Variants in KIAA1217 observed in about 807,000 individuals in gnomAD.
KIAA1217 encodes KIAA1217, also known as sickle tail protein homolog.
A neutral mutation model predicts 163.9 loss-of-function variants in KIAA1217; 88 were observed. That is an observed-to-expected ratio of 0.54 (90% CI 0.45 to 0.64). The LOEUF (loss-of-function observed/expected upper bound fraction) is 0.64, where lower values mean the gene tolerates loss of function less well. KIAA1217 is among the 30% of genes least tolerant of loss of function. The pLI is 0.00. For synonymous variants in KIAA1217, 903 were observed against 923.1 expected (o/e 0.98, Z 0.39); for missense variants, 2,372 against 2,475.0 (o/e 0.96, Z 0.88).
chr10:24,298,229 G>T (rs138904317), intron 2 of KIAA1217, among the ~76,000 whole-genome samples: 32 of 152,116 alleles, frequency 2.1e-4, no homozygotes, highest in African/African-American at 7.7e-4. Flanking sequence ...CTTAGAGGTA[G>T]CTCCTGATGT....
At chr10:23,819,851 C>A (rs1837537430) in intron 1 of KIAA1217, among the ~76,000 whole-genome samples, 2 of 152,160 alleles carry the variant, frequency 1.3e-5, no homozygotes, top group South Asian at 4.1e-4. Flanking sequence ...CCACCTGAGT[C>A]ATTTTTTTAG....
At chr10:23,895,890 G>A (rs924492004) in intron 1 of KIAA1217, among the ~76,000 whole-genome samples, 1 of 149,656 alleles carries the variant, frequency 6.7e-6, no homozygotes, top group African/African-American at 2.5e-5. Flanking sequence ...ACTATCGCAA[G>A]AACAAAAAAC....
chr10:24,117,575 C>A (rs2063110519), intron 2 of KIAA1217, among the ~76,000 whole-genome samples: 1 of 152,092 alleles, frequency 6.6e-6, no homozygotes. Context: ...GTTGAGGCTG[C>A]AGTGAGCTGA....
chr10:24,067,508 T>A (rs960142529), intron 2 of KIAA1217, among the ~76,000 whole-genome samples: 24 of 152,176 alleles, frequency 1.6e-4, no homozygotes, highest in African/African-American at 5.5e-4. Flanking sequence ...CTGGAAGTTT[T>A]GTCTCAGAGG....
intron 2 of KIAA1217, among the ~76,000 whole-genome samples, chr10:24,268,391 G>T (rs1273678202): frequency 6.6e-6 from 1 of 151,914 alleles, no homozygotes; most frequent in Non-Finnish European, 1.5e-5. Context: ...ATCAAAAAGT[G>T]GGCAAAGGAC....
intron 2 of KIAA1217, among the ~76,000 whole-genome samples, chr10:24,128,574 G>C (rs148405793): frequency 6.6e-6 from 1 of 152,140 alleles, no homozygotes; most frequent in Non-Finnish European, 1.5e-5. Context: ...CATGCCATGG[G>C]GACTCATTCA....
At chr10:24,542,495 G>A in intron 17 of KIAA1217, 198 bp from the exon 18 acceptor site, 1 of 1,415,178 alleles carries the variant, frequency 7.1e-7, no homozygotes, top group Non-Finnish European at 9.2e-7. Context: ...TTTTCATCTT[G>A]TGCAAACACA....
intron 1 of KIAA1217, among the ~76,000 whole-genome samples, chr10:23,971,416 T>C (rs1376347751): frequency 6.6e-6 from 1 of 152,176 alleles, no homozygotes; most frequent in African/African-American, 2.4e-5. Context: ...ATTATTACTT[T>C]AGAGAGATGG....
rs11324429 is a variant in KIAA1217 at position 24,360,898 on chromosome 10, GTT to G, written c.355-19960_355-19959del. 1.8e-3 allele frequency among the ~76,000 whole-genome samples: 263 copies of G among 147,016 alleles called. 1 individual carries two copies. Among genetic ancestry groups the G allele is most frequent in the African/African-American group, 5.8e-3 (235 of 40,522 alleles). On this transcript the variant is annotated intron_variant, in intron 2 of 20. Transcript: ENST00000376454. ...TCAGTAGTTATTTCAATGCTAAGTG[GTT>G]TTTTTTTTTTGGAGGTAGAAACAAA...
At chr10:24,517,793 G>T (rs2070431378) in intron 10 of KIAA1217, among the ~76,000 whole-genome samples, 1 of 152,162 alleles carries the variant, frequency 6.6e-6, no homozygotes, top group African/African-American at 2.4e-5. Context: ...TCAGGAGTTA[G>T]AGACCAGTCT....
intron 2 of KIAA1217, among the ~76,000 whole-genome samples, chr10:24,175,186 C>T (rs535454807): frequency 2.6e-5 from 4 of 152,064 alleles, no homozygotes; most frequent in South Asian, 4.1e-4. Context: ...TTATCCTTCA[C>T]GCCCCTTCCA....
At chr10:24,012,322 A>G (rs1847269070) in intron 2 of KIAA1217, among the ~76,000 whole-genome samples, 1 of 152,040 alleles carries the variant, frequency 6.6e-6, no homozygotes, top group Non-Finnish European at 1.5e-5. Context: ...TCCACATCAA[A>G]CCTCACAATT....
At chr10:24,340,768 G>C (rs1351493632) in intron 2 of KIAA1217, among the ~76,000 whole-genome samples, 2 of 152,348 alleles carry the variant, frequency 1.3e-5, no homozygotes, top group East Asian at 3.9e-4. Context: ...GCTACCTCAT[G>C]TAATTGACTG....
rs554284232 is a variant in KIAA1217, at chr10:24,296,547, A to G, written c.354+76638A>G. Among the ~76,000 whole-genome samples, 44 of 152,348 alleles carry G rather than the reference A, an allele frequency of 2.9e-4. 1 individual carries two copies. The highest frequency in any genetic ancestry group is 9.1e-4 in the Admixed American group (14 of 15,306). ...ATTGAACAACTAATGAATAAATCAC[A>G]TTAAAAGCTGAGTTTCTTCTCATTG... On this transcript the variant is annotated intron_variant, in intron 2 of 20. Transcript: ENST00000376454.
At chr10:23,748,443 A>T in intron 1 of KIAA1217, among the ~76,000 whole-genome samples, 1 of 141,946 alleles carries the variant, frequency 7.0e-6, no homozygotes, top group African/African-American at 2.7e-5. Flanking sequence ...TGCTTCTGGA[A>T]GGAAGGAAGG....
At chr10:24,400,619 A>G (rs962186559) in intron 3 of KIAA1217, among the ~76,000 whole-genome samples, 1 of 152,224 alleles carries the variant, frequency 6.6e-6, no homozygotes, top group Non-Finnish European at 1.5e-5. Flanking sequence ...ATTTGTGAAC[A>G]ATACTAGAGA....
chr10:24,302,887 GC>G (rs149743875), intron 2 of KIAA1217, among the ~76,000 whole-genome samples: 7,430 of 152,178 alleles, frequency 0.049, 576 homozygotes, highest in African/African-American at 0.17. Context: ...AGGTGGGGTG[GC>G]AGGATGGCTA....
intron 3 of KIAA1217, among the ~76,000 whole-genome samples, chr10:24,401,612 A>G (rs1476442764): frequency 1.3e-5 from 2 of 152,246 alleles, no homozygotes; most frequent in African/African-American, 4.8e-5. Context: ...CTTCATAAAG[A>G]GCATCTACCA....
At chr10:23,868,931 T>C (rs1301933507) in intron 1 of KIAA1217, among the ~76,000 whole-genome samples, 1 of 152,128 alleles carries the variant, frequency 6.6e-6, no homozygotes, top group Non-Finnish European at 1.5e-5. Context: ...ATTTTCTGCC[T>C]GAATAAAAGT....
Sources: allele counts gnomAD v4.1 joint callset (sites outside exome capture counted in the v4.1 genomes callset), GRCh38; gene constraint gnomAD v4.1.1; transcripts MANE v1.5; gene names NCBI Gene and HGNC (gene_info 2026-07-23, HGNC 2026-07-21).